Variants in CDYL observed in about 807,000 individuals in gnomAD.
The protein encoded by CDYL is chromodomain Y-like protein.
CDYL carries 8 observed loss-of-function variants against 47.3 expected under a neutral mutation model. The ratio of observed to expected loss-of-function variants is 0.17; its 90% CI spans 0.10 to 0.31. The LOEUF (loss-of-function observed/expected upper bound fraction) is 0.31, where lower values mean the gene tolerates loss of function less well. Among genes scored for constraint, CDYL ranks in the 10% least tolerant of loss-of-function variants. The pLI is 1.00. For synonymous variants in CDYL, 266 were observed against 265.0 expected, an observed-to-expected ratio of 1.00 and a Z score of -0.04; for missense variants, 471 against 701.4, an observed-to-expected ratio of 0.67 and a Z score of 3.71.
chr6:4,894,646 C>T (rs1372772865), intron 2 of CDYL, among the ~76,000 whole-genome samples: 9 of 152,102 alleles, frequency 5.9e-5, no homozygotes. Flanking sequence ...GACAGGGTTT[C>T]ACCACGTTGG....
intron 2 of CDYL, among the ~76,000 whole-genome samples, chr6:4,916,605 TCG>T (rs1491123367): frequency 8.7e-5 from 3 of 34,492 alleles, no homozygotes; most frequent in Non-Finnish European, 1.5e-4. Context: ...ACCAGATGTA[TCG>T]GGGGGGGGCG....
At chr6:4,773,251 C>A (rs1371173536), upstream of CDYL, 3 of 456,192 alleles carry the variant, frequency 6.6e-6, no homozygotes, top group African/African-American at 6.0e-5. The surrounding 1 kb of genome is among the most constrained non-coding windows in gnomAD (Gnocchi z 4.6). Flanking sequence ...TTGACCACTT[C>A]TCTAATCTTT....
chr6:4,899,574 C>T (rs772282443), intron 2 of CDYL, among the ~76,000 whole-genome samples: 22 of 152,270 alleles, frequency 1.4e-4, no homozygotes, highest in Admixed American at 2.0e-4. Flanking sequence ...GATGCCGTCT[C>T]GGCCCAGTTT....
At chr6:4,827,013 A>G (rs929332258) in intron 1 of CDYL, among the ~76,000 whole-genome samples, 5 of 152,058 alleles carry the variant, frequency 3.3e-5, no homozygotes, top group African/African-American at 1.2e-4. Flanking sequence ...CATGTTTATA[A>G]TTGTTATATT....
chr6:4,926,092 A>G (rs973850257), intron 2 of CDYL, among the ~76,000 whole-genome samples: 2 of 152,188 alleles, frequency 1.3e-5, no homozygotes, highest in Non-Finnish European at 2.9e-5. Flanking sequence ...GGAGACCCCT[A>G]TGGATAGAGA....
chr6:4,796,271 A>G (rs1759071195), intron 1 of CDYL, among the ~76,000 whole-genome samples: 1 of 152,072 alleles, frequency 6.6e-6, no homozygotes, highest in Non-Finnish European at 1.5e-5. Context: ...CATAGGTCTA[A>G]AAGGCCAAAA....
In CDYL at chr6:4,953,928, T is replaced by C; in HGVS notation, c.1507T>C (p.Cys503Arg). 6.2e-7 allele frequency: 1 copy of C among 1,613,946 alleles called. No individual in the cohort carries two copies. Among genetic ancestry groups the C allele is most frequent in the Admixed American group, 1.7e-5 (1 of 59,998 alleles). ...TGAGGAATCCAAAGCCCTCGTGCGCTGCAACATGAAGATGGAGCTGGAGCA... is the reference window on the plus strand; with the variant it reads ...TGAGGAATCCAAAGCCCTCGTGCGCCGCAACATGAAGATGGAGCTGGAGCA... ...VLEESKALVR[C>R]NMKMELEQAN... Residue 503 changes from cysteine to arginine, a missense_variant, in exon 7 of 7, where the codon TGC (cysteine) becomes CGC (arginine). Transcript: ENST00000397588.
rs761271355 is a variant in CDYL at position 4,943,810 on chromosome 6, A to G, written c.1332+54A>G. ...AAAGTCATTCTAGAAAGCTTCCTGA[A>G]GAAATCTAGTTTGGTTATTGTTTTT... is the stretch of plus-strand genomic sequence containing the variant. On this transcript the variant is annotated intron_variant, in intron 5 of 6. Transcript: ENST00000397588. 5.9e-5 allele frequency: 78 copies of G among 1,327,432 alleles called. 1 individual carries two copies. Among genetic ancestry groups the G allele is most frequent in the Admixed American group, 8.9e-5 (4 of 44,752 alleles). The allele number at this position is 1,327,432 out of a possible 1,614,324, so 82.2% of individuals were successfully genotyped here.
intron 2 of CDYL, among the ~76,000 whole-genome samples, chr6:4,728,526 A>T (rs1757553276): frequency 6.6e-6 from 1 of 152,226 alleles, no homozygotes; most frequent in Non-Finnish European, 1.5e-5. Context: ...GGAAAAGATG[A>T]TGAAAGCCAG....
intron 1 of CDYL, among the ~76,000 whole-genome samples, chr6:4,887,713 AACTCCAAT>A (rs1761933967): frequency 6.6e-6 from 1 of 152,144 alleles, no homozygotes; most frequent in African/African-American, 2.4e-5. Context: ...AACTAGCTAG[AACTCCAAT>A]ACAATGTTGA....
intron 2 of CDYL, among the ~76,000 whole-genome samples, chr6:4,915,607 A>G (rs9378919): frequency 0.079 from 11,959 of 152,318 alleles, 582 homozygotes; most frequent in South Asian, 0.14. Flanking sequence ...TGTAGCAACC[A>G]GATACCAACT....
At chr6:4,932,535 G>A (rs1368037610) in intron 2 of CDYL, among the ~76,000 whole-genome samples, 1 of 152,170 alleles carries the variant, frequency 6.6e-6, no homozygotes, top group East Asian at 1.9e-4. Flanking sequence ...GGCCTTCCCT[G>A]TGTTGCCAGG....
At chr6:4,749,413 G>C (rs921960198) in intron 3 of CDYL, among the ~76,000 whole-genome samples, 1 of 151,900 alleles carries the variant, frequency 6.6e-6, no homozygotes, top group Admixed American at 6.6e-5. Context: ...ATGAATGTAT[G>C]ATGGATGGAT....
intron 1 of CDYL, among the ~76,000 whole-genome samples, chr6:4,850,099 T>G (rs762790027): frequency 1.2e-4 from 18 of 152,196 alleles, no homozygotes; most frequent in South Asian, 4.1e-4. Context: ...AGGAATATTA[T>G]TAGTAGTAAC....
At chr6:4,887,908 G>A in intron 1 of CDYL, among the ~76,000 whole-genome samples, 1 of 150,580 alleles carries the variant, frequency 6.6e-6, no homozygotes, top group Non-Finnish European at 1.5e-5. Flanking sequence ...ATCATGAAGA[G>A]GTGTTGAATT....
chr6:4,821,364 A>G (rs1374245601), intron 1 of CDYL, among the ~76,000 whole-genome samples: 1 of 126,852 alleles, frequency 7.9e-6, no homozygotes, highest in Admixed American at 1.0e-4. Context: ...TGCAACCTCT[A>G]CCTCCCGGGT....
intron 1 of CDYL, among the ~76,000 whole-genome samples, chr6:4,812,878 C>G (rs1759567460): frequency 6.6e-6 from 1 of 152,102 alleles, no homozygotes; most frequent in Admixed American, 6.5e-5. Flanking sequence ...AGTTTTATAG[C>G]TGAATGTATA....
intron 1 of CDYL, among the ~76,000 whole-genome samples, chr6:4,819,318 A>G (rs1258573382): frequency 1.3e-5 from 2 of 151,672 alleles, no homozygotes; most frequent in African/African-American, 2.4e-5. Context: ...TACTCAACTC[A>G]TAGAAGTAAA....
chr6:4,835,297 C>T (rs1760265914), intron 1 of CDYL, among the ~76,000 whole-genome samples: 1 of 152,188 alleles, frequency 6.6e-6, no homozygotes, highest in South Asian at 2.1e-4. Context: ...ACAGACAGGA[C>T]CCTCAGCTGC....
Sources: allele counts gnomAD v4.1 joint callset (sites outside exome capture counted in the v4.1 genomes callset), GRCh38; gene constraint gnomAD v4.1.1; non-coding constraint Gnocchi (gnomAD v3.1); transcripts MANE v1.5; gene names NCBI Gene and HGNC (gene_info 2026-07-23, HGNC 2026-07-21).